The following RBBP4 variants were observed in gnomAD, a reference collection of about 807,000 sequenced individuals.
RBBP4 encodes RB binding protein 4, chromatin remodeling factor.
RBBP4 carries 3 observed loss-of-function variants against 57.2 expected under a neutral mutation model. That is an observed-to-expected ratio of 0.05 (90% CI 0.02 to 0.14). RBBP4 has a LOEUF of 0.14. RBBP4 is among the 10% of genes least tolerant of loss of function. RBBP4 has a pLI of 1.00. For synonymous variants in RBBP4, 151 were observed against 171.5 expected, an observed-to-expected ratio of 0.88 and a Z score of 0.93; for missense variants, 107 against 520.6, an observed-to-expected ratio of 0.21 and a Z score of 7.73.
intron 2 of RBBP4, chr1:32,652,391 C>G (rs570503431): frequency 5.1e-5 from 11 of 215,698 alleles, no homozygotes; most frequent in Admixed American, 1.6e-4. Context: ...GTGGCTCACA[C>G]TTGGAATCCG....
chr1:32,653,971 A>G (rs1055814726), intron 2 of RBBP4, among the ~76,000 whole-genome samples: 36 of 152,110 alleles, frequency 2.4e-4, no homozygotes, highest in African/African-American at 7.7e-4. Flanking sequence ...AAGCTTCTTT[A>G]TCATGACCAG....
At chr1:32,676,205 G>A (rs137897143) in intron 11 of RBBP4, among the ~76,000 whole-genome samples, 1 of 152,218 alleles carries the variant, frequency 6.6e-6, no homozygotes, top group African/African-American at 2.4e-5. Flanking sequence ...GTACGGTTAG[G>A]GTTATAAGAT....
chr1:32,661,923 A>G (rs1318855032), intron 3 of RBBP4, among the ~76,000 whole-genome samples: 14 of 103,740 alleles, frequency 1.3e-4, no homozygotes, highest in African/African-American at 5.8e-4. Flanking sequence ...GTCTTGCTCT[A>G]TCACCAGGCT....
In RBBP4 at chr1:32,671,694, C is replaced by CTT. The variant is rs71006356; in HGVS notation, c.967-746_967-745dup. ...GAAGCAATATAGCGAGGCCTCATCTCTTTTTTTTTTTGATACCAGCCTAAC... is the reference window on the plus strand; with the variant it reads ...GAAGCAATATAGCGAGGCCTCATCTCTTTTTTTTTTTTTGATACCAGCCTAAC... On this transcript the variant is annotated intron_variant, in intron 8 of 11. Coordinates refer to ENST00000373493, the MANE Select transcript of RBBP4 (RefSeq NM_005610.3). 3.9e-3 allele frequency among the ~76,000 whole-genome samples: 578 copies of CTT among 147,580 alleles called. 5 individuals are homozygous for CTT. The highest frequency in any genetic ancestry group is 0.029 in the South Asian group (136 of 4,680).
In RBBP4 at chr1:32,680,651, T is replaced by A; in HGVS notation, c.*946T>A. ...AAATGGAATAAATTGCTTTTCTACA[T>A]AACCCCATGCTGATGGGTTTTATTT... On this transcript the variant is annotated 3_prime_UTR_variant, in exon 12 of 12. Coordinates refer to ENST00000373493, the MANE Select transcript of RBBP4 (RefSeq NM_005610.3). 9.1e-7 allele frequency: 1 copy of A among 1,094,110 alleles called. No individual in the cohort carries two copies. Among genetic ancestry groups the A allele is most frequent in the Non-Finnish European group, 1.3e-6 (1 of 751,572 alleles). 67.8% of individuals were successfully genotyped at this position (1,094,110 alleles called of 1,614,324 possible). A position where few individuals can be genotyped will look rare whatever the true frequency, so the allele number is the denominator to read the frequency against.
chr1:32,663,722 G>A (rs911227320), intron 3 of RBBP4, among the ~76,000 whole-genome samples: 1 of 151,458 alleles, frequency 6.6e-6, no homozygotes, highest in Non-Finnish European at 1.5e-5. Context: ...GACTACAGGC[G>A]CCTGCCACCA....
chr1:32,684,494 T>C lies in RBBP4; in HGVS notation c.*4789T>C, dbSNP rs937296489. 1 of 1,465,658 alleles carries C rather than the reference T, an allele frequency of 6.8e-7. No individual in the cohort carries two copies. The highest frequency in any genetic ancestry group is 1.3e-5 in the South Asian group (1 of 78,398). The allele number at this position is 1,465,658 out of a possible 1,614,324, so 90.8% of individuals were successfully genotyped here. A position where few individuals can be genotyped will look rare whatever the true frequency, so the allele number is the denominator to read the frequency against. ...TCATTGTTTAATCTTGATAGCAGTA[T>C]TGAGGCTGGTATTTATATGATAGGT... On this transcript the variant is annotated 3_prime_UTR_variant, in exon 12 of 12. Transcript: ENST00000373493.
At chr1:32,652,998 C>T (rs1647952477) in intron 2 of RBBP4, among the ~76,000 whole-genome samples, 1 of 152,054 alleles carries the variant, frequency 6.6e-6, no homozygotes, top group East Asian at 1.9e-4. Flanking sequence ...CTAGAAAACA[C>T]CTGAAGGTGG....
intron 3 of RBBP4, among the ~76,000 whole-genome samples, chr1:32,659,280 G>A (rs1189623929): frequency 2.6e-5 from 4 of 151,560 alleles, no homozygotes; most frequent in African/African-American, 9.7e-5. Context: ...CCTTTCCCTG[G>A]CCGGGTGCGG....
chr1:32,671,876 GAGCAAGACTTCCGTCTCA>G (rs1360918403), intron 8 of RBBP4, among the ~76,000 whole-genome samples: 2 of 152,142 alleles, frequency 1.3e-5, no homozygotes, highest in Non-Finnish European at 1.5e-5. Flanking sequence ...CTGGGTGACA[GAGCAAGACTTCCGTCTCA>G]AGAAAAAGTG....
chr1:32,676,483 G>A (rs1005693676), intron 11 of RBBP4, among the ~76,000 whole-genome samples: 3 of 151,892 alleles, frequency 2.0e-5, no homozygotes, highest in African/African-American at 7.3e-5. Flanking sequence ...GGTGACGGGC[G>A]CCTGTAATCC....
chr1:32,668,431 G>C (rs1570857450), intron 4 of RBBP4, 33 bp downstream of exon 4: 1 of 1,529,000 alleles, frequency 6.5e-7, no homozygotes. Context: ...ATACAAATGA[G>C]TCACTATAGA....
In RBBP4 at chr1:32,684,277, C is replaced by T. The variant is rs1376830599; in HGVS notation, c.*4572C>T. 5.0e-6 allele frequency: 8 copies of T among 1,614,050 alleles called. No individual in the cohort carries two copies. The highest frequency in any genetic ancestry group is 6.8e-6 in the Non-Finnish European group (8 of 1,180,042). On this transcript the variant is annotated 3_prime_UTR_variant, in exon 12 of 12. Transcript: ENST00000373493. ...ACTGACTTATAAGTAGAGAGCTCTT[C>T]AGCAAGACTGAGCCTTAGCTGTTCC...
chr1:32,679,124 C>T (rs528470384), intron 11 of RBBP4, among the ~76,000 whole-genome samples: 40 of 152,020 alleles, frequency 2.6e-4, no homozygotes, highest in Admixed American at 5.2e-4. Context: ...TGGTGAAACC[C>T]CATCTCTATT....
intron 11 of RBBP4, among the ~76,000 whole-genome samples, chr1:32,678,985 T>C (rs1649253983): frequency 6.6e-6 from 1 of 152,150 alleles, no homozygotes; most frequent in South Asian, 2.1e-4. Flanking sequence ...TTGTTTTTAC[T>C]TTTTGGCTAT....
intron 11 of RBBP4, among the ~76,000 whole-genome samples, chr1:32,678,534 C>T (rs1649220409): frequency 7.1e-6 from 1 of 139,864 alleles, no homozygotes; most frequent in Non-Finnish European, 1.5e-5. Context: ...GCCTGGACAC[C>T]TTATATAAAT....
Position 32,652,080 on chromosome 1 carries a change from A to G in RBBP4, c.164+19A>G, listed in dbSNP as rs748075241. 5 of 1,600,386 alleles carry G rather than the reference A, an allele frequency of 3.1e-6. No homozygotes were observed. The highest frequency in any genetic ancestry group is 4.3e-6 in the Non-Finnish European group (5 of 1,172,954). On this transcript the variant is annotated intron_variant, in intron 2 of 11. Transcript: ENST00000373493. The stretch of plus-strand genomic sequence containing the variant: ...TAACCAGGTGACATGACTCTCCCGA[A>G]CGTTATTTTGATGTATTTTCAGTGT...
At chr1:32,655,058 G>GAGT (rs1006819688) in intron 2 of RBBP4, among the ~76,000 whole-genome samples, 1 of 152,048 alleles carries the variant, frequency 6.6e-6, no homozygotes, top group African/African-American at 2.4e-5. Context: ...GGCACGATCA[G>GAGT]AGTTCCCTGC....
At position 32,680,738 on chromosome 1, in the gene RBBP4, T is replaced by A. The variant is rs1649380984; in HGVS notation, c.*1033T>A. The A allele has an allele frequency of 1.8e-6, 1 of 548,732 alleles. No homozygotes were observed. The highest frequency in any genetic ancestry group is 3.2e-6 in the Non-Finnish European group (1 of 310,434). The allele number at this position is 548,732 out of a possible 1,614,324, so 34.0% of individuals were successfully genotyped here. A position where few individuals can be genotyped will look rare whatever the true frequency, so the allele number is the denominator to read the frequency against. ...CTAGAAGAGTCCTTCAGATGACAGTTGTTGTCCATGGTCTTTGACTATCAA... is the reference window on the plus strand; with the variant it reads ...CTAGAAGAGTCCTTCAGATGACAGTAGTTGTCCATGGTCTTTGACTATCAA... On this transcript the variant is annotated 3_prime_UTR_variant, in exon 12 of 12. Transcript: ENST00000373493.
Sources: gnomAD v4.1 joint callset for allele counts (sites outside exome capture counted in the v4.1 genomes callset) on GRCh38, gnomAD v4.1.1 for gene constraint, MANE v1.5 for transcripts, NCBI Gene and HGNC (gene_info 2026-07-23, HGNC 2026-07-21) for gene names.